MYH7: variants seen among roughly 807,000 people sequenced by gnomAD.
MYH7 encodes myosin heavy chain 7.
MYH7 carries 129 observed loss-of-function variants against 225.4 expected under a neutral mutation model. The ratio of observed to expected loss-of-function variants is 0.57; its 90% CI spans 0.50 to 0.66. The LOEUF (loss-of-function observed/expected upper bound fraction) is 0.66, where lower values mean the gene tolerates loss of function less well. Among genes scored for constraint, MYH7 ranks in the 30% least tolerant of loss-of-function variants. The pLI, the probability that MYH7 is intolerant of heterozygous loss-of-function variation, is 0.00. For synonymous variants in MYH7, 971 were observed against 1,007.6 expected (o/e 0.96, Z 0.69); for missense variants, 1,649 against 2,517.0 (o/e 0.66, Z 7.38).
At chr14:23,417,433 C>G in intron 31 of MYH7, 70 bp downstream of exon 31, 1 of 1,611,978 alleles carries the variant, frequency 6.2e-7, no homozygotes, top group Non-Finnish European at 8.5e-7. Context: ...GAGGATGGCT[C>G]TGGCCTCTCA....
At position 23,431,775 on chromosome 14, in the gene MYH7, G is replaced by T. The variant is rs878853840; in HGVS notation, c.625C>A (p.Gln209Lys). 2.5e-6 allele frequency: 4 copies of T among 1,614,260 alleles called. No individual in the cohort carries two copies. Among genetic ancestry groups the T allele is most frequent in the Non-Finnish European group, 3.4e-6 (4 of 1,180,044 alleles). Residue 209 changes from glutamine to lysine, a missense_variant, in exon 7 of 40, where the codon CAG becomes AAG. Gln to Lys is a moderately conservative substitution (Grantham distance 53). Coordinates refer to ENST00000355349, the MANE Select transcript of MYH7 (RefSeq NM_000257.4). Reference sequence around the variant, plus strand: ...AGCAGGCCTACCTTGCCCGGGCTCTGGTCCTTCTTGCTGCGGTCCCCAATG... The same window carrying T: ...AGCAGGCCTACCTTGCCCGGGCTCTTGTCCTTCTTGCTGCGGTCCCCAATG... ...AAIGDRSKKD[Q>K]SPGKGTLEDQ...
chr14:23,419,473 C>G lies in MYH7; in HGVS notation c.3853+10G>C, dbSNP rs567188710. The G allele has an allele frequency of 1.2e-5, 20 of 1,613,908 alleles. No individual in the cohort carries two copies. The highest frequency in any genetic ancestry group is 1.0e-4 in the Admixed American group (6 of 60,022). On this transcript the variant is annotated intron_variant, in intron 28 of 39. Transcript: ENST00000355349. ...TGGTGGGAACCATGGAGCCCCTGCT[C>G]TAGGCTCACCATTCTCGGTTTGCAA...
rs763193107 is a variant in MYH7, at chr14:23,433,207, G to A, written c.222C>T (p.Asp74=). The change falls in exon 4 of 40, where the codon GAC becomes GAT. Residue 74 remains aspartate (D), a synonymous_variant. Coordinates refer to ENST00000355349, the MANE Select transcript of MYH7 (RefSeq NM_000257.4). The surrounding 1 kb of genome is among the most constrained non-coding windows in gnomAD (Gnocchi z 4.1). ...EYGKTVTVKE[D]QVMQQNPPKF... ...TGGGTGGGTTCTGCTGCATCACCTGGTCCTCCTTCACGGTCACTGTCTGCA... is the reference window on the plus strand; with the variant it reads ...TGGGTGGGTTCTGCTGCATCACCTGATCCTCCTTCACGGTCACTGTCTGCA... 1 of 1,614,016 alleles carries A rather than the reference G, an allele frequency of 6.2e-7. No individual in the cohort carries two copies. The highest frequency in any genetic ancestry group is 1.1e-5 in the South Asian group (1 of 91,082).
intron 33 of MYH7, 127 bp downstream of exon 33, chr14:23,416,741 G>A: frequency 6.9e-7 from 1 of 1,454,994 alleles, no homozygotes; most frequent in Non-Finnish European, 9.5e-7. Flanking sequence ...TGCCTACTAT[G>A]TGCCAGGCTC....
In MYH7 at chr14:23,420,231, G is replaced by C. The variant is rs1204830698; in HGVS notation, c.3340C>G (p.Arg1114Gly). Residue 1114 changes from arginine to glycine, a missense_variant, in exon 27 of 40, where the codon CGC becomes GGC. Physicochemically the swap from Arg to Gly is moderately radical, Grantham distance 125. Transcript: ENST00000355349. ...AGCTCCTCCTCCAGCTCCTCGATGC[G>C]TGCCTGGTCAGACACAAAGGGCTCA... ...LQKKLKELQA[R>G]IEELEEELEA... is the part of the protein sequence containing the mutation. 1 of 1,609,186 alleles carries C rather than the reference G, an allele frequency of 6.2e-7. No homozygotes were observed. Among genetic ancestry groups the C allele is most frequent in the Non-Finnish European group, 8.5e-7 (1 of 1,178,722 alleles).
intron 30 of MYH7, chr14:23,417,982 G>A: frequency 1.1e-6 from 1 of 899,552 alleles, no homozygotes; most frequent in Non-Finnish European, 1.9e-6. Flanking sequence ...CCAGACGGAA[G>A]CACTCTGCCC....
chr14:23,431,378 G>T, intron 9 of MYH7, 40 bp downstream of exon 9: 1 of 1,596,386 alleles, frequency 6.3e-7, no homozygotes, highest in Non-Finnish European at 8.6e-7. Context: ...CTAGAGCAAG[G>T]GTGAGCTTAG....
Position 23,415,720 on chromosome 14 carries a change from C to A in MYH7, c.5066G>T (p.Arg1689Leu). Residue 1689 changes from arginine to leucine, a missense_variant, in exon 35 of 40, where the codon CGT becomes CTT. Physicochemically the swap from Arg to Leu is moderately radical, Grantham distance 102. Around this residue, in one of 12 missense-constraint regions of MYH7, gnomAD observed 687 missense variants for 913.8 expected, o/e 0.75. Transcript: ENST00000355349. This position sits in a 1 kb window ranked among gnomAD's most constrained non-coding sequence, Gnocchi z 6.3. ...CCGCTCTGTCTGCTCCACCACGGCA[C>A]GCAACTCCTCCAGCTCAGCCTGCAG... is the stretch of plus-strand genomic sequence containing the variant. ...NLLQAELEEL[R>L]AVVEQTERSR... 1.2e-6 allele frequency: 2 copies of A among 1,614,204 alleles called. No homozygotes were observed. Among genetic ancestry groups the A allele is most frequent in the South Asian group, 1.1e-5 (1 of 91,082 alleles).
In MYH7 at chr14:23,414,080, AG is replaced by A; in HGVS notation, c.5581del (p.Leu1861CysfsTer8). On this transcript the variant is annotated frameshift_variant, in exon 38 of 40. Transcript: ENST00000355349. LOFTEE classifies it high-confidence loss of function. ...TYQTEEDRKN[L>X]LRLQDLVDKL... Reference sequence around the variant, plus strand: ...GTCTACCAGGTCCTGCAGCCGCAGCAGGTTTTTCCTGTCCTCCTCCGTCTGG... The same window carrying A: ...GTCTACCAGGTCCTGCAGCCGCAGCAGTTTTTCCTGTCCTCCTCCGTCTGG... The A allele has an allele frequency of 6.2e-7, 1 of 1,613,590 alleles. No individual in the cohort carries two copies. The highest frequency in any genetic ancestry group is 8.5e-7 in the Non-Finnish European group (1 of 1,180,018).
In MYH7 at chr14:23,417,636, A is replaced by G; in HGVS notation, c.4220T>C (p.Val1407Ala). The change falls in exon 31 of 40, where the codon GTT (valine) becomes GCT (alanine). Residue 1407 changes from valine to alanine, a missense_variant. Coordinates refer to ENST00000355349, the MANE Select transcript of MYH7 (RefSeq NM_000257.4). Reference sequence around the variant, plus strand: ...CTCCAGCGAGGAGCACTTGGCATTAACAGCCTCCACGGCCTCCTCAGCTTC... The same window carrying G: ...CTCCAGCGAGGAGCACTTGGCATTAGCAGCCTCCACGGCCTCCTCAGCTTC... ...LQEAEEAVEA[V>A]NAKCSSLEKT... 6.2e-7 allele frequency: 1 copy of G among 1,613,018 alleles called. No individual in the cohort carries two copies. The highest frequency in any genetic ancestry group is 8.5e-7 in the Non-Finnish European group (1 of 1,180,038).
rs1374980600 is a variant in MYH7 at position 23,426,823 on chromosome 14, A to T, written c.1998T>A (p.His666Gln). The T allele has an allele frequency of 6.2e-7, 1 of 1,614,094 alleles. No homozygotes were observed. The highest frequency in any genetic ancestry group is 1.1e-5 in the South Asian group (1 of 91,078). ...GGATGATACAACGTACAAAGTGGGG[A>T]TGGGTGGAGCGCAAGTTGGTCATCA... ...NKLMTNLRST[H>Q]PHFVRCIIPN... Residue 666 changes from histidine (H) to glutamine (Q), a missense_variant, in exon 18 of 40, where the codon CAT becomes CAA. By Grantham distance (24) the His-to-Gln change is conservative. This residue lies in a region of MYH7 where 112 missense variants were observed against 161.9 expected (regional missense o/e 0.69). Transcript: ENST00000355349.
At chr14:23,414,200 T>C in intron 37 of MYH7, 98 bp from the exon 38 acceptor site, 1 of 1,005,978 alleles carries the variant, frequency 9.9e-7, no homozygotes, top group South Asian at 1.3e-5. Flanking sequence ...CCTGACCCAA[T>C]TCTACTTTCT....
chr14:23,431,226 A>G (rs1892923043), intron 9 of MYH7, among the ~76,000 whole-genome samples, 192 bp downstream of exon 9: 1 of 152,182 alleles, frequency 6.6e-6, no homozygotes, highest in Admixed American at 6.5e-5. Context: ...ATGCAGAGAC[A>G]GAAATGGAGA....
rs571704020 is a variant in MYH7, at chr14:23,417,214, G to A, written c.4458C>T (p.Asn1486=). ...GATGTTCCAGGGACTCCTCATAGGC[G>A]TTCTTGAGTTTGAAGAGCTCTGTGC... ...SLSTELFKLK[N]AYEESLEHLE... Residue 1486 remains asparagine (N), a synonymous_variant, in exon 32 of 40, where the codon AAC becomes AAT. Coordinates refer to ENST00000355349, the MANE Select transcript of MYH7 (RefSeq NM_000257.4). 31 of 1,614,182 alleles carry A rather than the reference G, an allele frequency of 1.9e-5. No homozygotes were observed. Among genetic ancestry groups the A allele is most frequent in the African/African-American group, 4.0e-5 (3 of 75,054 alleles).
At chr14:23,416,412 T>A in intron 33 of MYH7, 100 bp from the exon 34 acceptor site, 1 of 1,274,672 alleles carries the variant, frequency 7.8e-7, no homozygotes. Flanking sequence ...ACTTCAAGAG[T>A]GGTGTAAGTG....
Position 23,433,537 on chromosome 14 carries a change from C to A in MYH7, c.196G>T (p.Gly66Cys). 6.2e-7 allele frequency: 1 copy of A among 1,613,976 alleles called. No individual in the cohort carries two copies. Among genetic ancestry groups the A allele is most frequent in the South Asian group, 1.1e-5 (1 of 91,060 alleles). The change falls in exon 3 of 40, where the codon GGC (glycine) becomes TGC (cysteine). Residue 66 changes from glycine to cysteine, a missense_variant. Coordinates refer to ENST00000355349, the MANE Select transcript of MYH7 (RefSeq NM_000257.4). This position sits in a 1 kb window ranked among gnomAD's most constrained non-coding sequence, Gnocchi z 4.1. ...CACATCAGCCTGACACCCACCTTGC[C>A]ATACTCGGTCTCGGCAGTGACTTTG... Reference protein sequence around the residue: ...GGKVTAETEYGKTVTVKEDQV... With the variant: ...GGKVTAETEYCKTVTVKEDQV...
intron 27 of MYH7, 42 bp from the exon 28 acceptor site, chr14:23,419,651 G>A (rs372607056): frequency 8.8e-5 from 142 of 1,613,268 alleles, no homozygotes; most frequent in Non-Finnish European, 1.0e-4. Context: ...GTTGGGGGCG[G>A]GGGGAATGAA....
At chr14:23,432,605 T>G in intron 5 of MYH7, 34 bp downstream of exon 5, 1 of 1,614,174 alleles carries the variant, frequency 6.2e-7, no homozygotes, top group South Asian at 1.1e-5. Context: ...CCTATCCCAG[T>G]TCCCTTCAGG....
chr14:23,428,706 G>A, intron 14 of MYH7, 36 bp from the exon 15 acceptor site: 1 of 1,613,392 alleles, frequency 6.2e-7, no homozygotes, highest in Non-Finnish European at 8.5e-7. Flanking sequence ...CAGTCAGAAA[G>A]TGGGTGTGAG....
Sources: allele counts gnomAD v4.1 joint callset (sites outside exome capture counted in the v4.1 genomes callset), GRCh38; gene constraint gnomAD v4.1.1; regional missense constraint gnomAD v4.1.1; non-coding constraint Gnocchi (gnomAD v3.1); transcripts MANE v1.5; gene names NCBI Gene and HGNC (gene_info 2026-07-23, HGNC 2026-07-21).